Variants in NAV3 observed in about 807,000 individuals in gnomAD.
The protein encoded by NAV3 is neuron navigator 3.
A neutral mutation model predicts 244.7 loss-of-function variants in NAV3; 87 were observed. The observed-to-expected ratio is 0.36, with a 90% CI of 0.30 to 0.42. The LOEUF (loss-of-function observed/expected upper bound fraction) is 0.42. Ranked by LOEUF, NAV3 falls within the 20% of genes least tolerant of loss-of-function variation. The pLI is 1.00. For missense variants in NAV3, 2,663 were observed against 2,893.3 expected (o/e 0.92, Z 1.83); for synonymous variants, 1,126 against 1,042.2 (o/e 1.08, Z -1.55).
At chr12:77,677,406 C>G (rs572168365) in intron 2 of NAV3, among the ~76,000 whole-genome samples, 1 of 152,264 alleles carries the variant, frequency 6.6e-6, no homozygotes, top group African/African-American at 2.4e-5. Context: ...CTTAGAAGGG[C>G]CCTGCACTTG....
At chr12:78,084,378 A>G (rs1295039890) in intron 12 of NAV3, among the ~76,000 whole-genome samples, 2 of 151,958 alleles carry the variant, frequency 1.3e-5, no homozygotes, top group Non-Finnish European at 2.9e-5. Context: ...CCCTCCAGTT[A>G]GGCACTGGAT....
intron 20 of NAV3, among the ~76,000 whole-genome samples, chr12:78,142,992 G>A (rs955239726): frequency 4.0e-5 from 6 of 151,896 alleles, no homozygotes; most frequent in South Asian, 2.1e-4. Flanking sequence ...TCCCCAGTCC[G>A]CCATGATCAG....
chr12:77,684,072 C>T (rs1874601023), intron 2 of NAV3, among the ~76,000 whole-genome samples: 1 of 151,694 alleles, frequency 6.6e-6, no homozygotes, highest in Non-Finnish European at 1.5e-5. Flanking sequence ...CTGAGTGATC[C>T]CAGTGATCTG....
chr12:77,754,253 G>A (rs926045745), intron 2 of NAV3, among the ~76,000 whole-genome samples: 3 of 151,946 alleles, frequency 2.0e-5, no homozygotes, highest in African/African-American at 7.2e-5. Context: ...ATGAGATTAG[G>A]GAATACCAAC....
At chr12:77,609,119 A>G (rs780206523) in intron 2 of NAV3, among the ~76,000 whole-genome samples, 17 of 152,106 alleles carry the variant, frequency 1.1e-4, no homozygotes, top group Non-Finnish European at 2.4e-4. Context: ...AATACTATTT[A>G]TGTTCTGGTA....
intron 2 of NAV3, among the ~76,000 whole-genome samples, chr12:77,576,248 T>C (rs1405887389): frequency 6.6e-6 from 1 of 152,080 alleles, no homozygotes; most frequent in Non-Finnish European, 1.5e-5. Context: ...AATACTGATA[T>C]AGAAAAAGCC....
At chr12:77,644,104 TC>T (rs1344093448) in intron 2 of NAV3, among the ~76,000 whole-genome samples, 1 of 151,994 alleles carries the variant, frequency 6.6e-6, no homozygotes. Context: ...AAGCTGGAGA[TC>T]AAGGGGTTCA....
At chr12:77,995,254 T>C (rs1330069319) in intron 6 of NAV3, among the ~76,000 whole-genome samples, 1 of 152,164 alleles carries the variant, frequency 6.6e-6, no homozygotes, top group Admixed American at 6.5e-5. Flanking sequence ...CACATTTTAA[T>C]GGAGATTTGA....
At chr12:78,108,649 A>C (rs1480321331) in intron 12 of NAV3, among the ~76,000 whole-genome samples, 2 of 152,158 alleles carry the variant, frequency 1.3e-5, no homozygotes, top group Non-Finnish European at 2.9e-5. Context: ...ATCAATGCCA[A>C]GAATAACGTT....
At chr12:78,165,308 T>G (rs73147980) in intron 23 of NAV3, among the ~76,000 whole-genome samples, 400 of 152,124 alleles carry the variant, frequency 2.6e-3, no homozygotes, top group Non-Finnish European at 4.9e-3. Context: ...TTTGCAGAAT[T>G]ATCCCAGCCT....
At chr12:78,143,785 G>A (rs193110683) in intron 20 of NAV3, among the ~76,000 whole-genome samples, 236 of 152,138 alleles carry the variant, frequency 1.6e-3, no homozygotes, top group African/African-American at 5.4e-3. Context: ...GGAATATCTA[G>A]CAATACTAAG....
intron 1 of NAV3, among the ~76,000 whole-genome samples, chr12:77,869,967 C>T (rs1291742338): frequency 6.6e-6 from 1 of 152,122 alleles, no homozygotes; most frequent in Non-Finnish European, 1.5e-5. Context: ...ATGAGATAAA[C>T]ACATGCTCTT....
intron 2 of NAV3, among the ~76,000 whole-genome samples, chr12:77,692,611 G>A (rs1378198428): frequency 1.3e-5 from 2 of 152,034 alleles, no homozygotes; most frequent in Non-Finnish European, 1.5e-5. Context: ...CTTAATAAAG[G>A]TGCTGAGCTG....
intron 22 of NAV3, among the ~76,000 whole-genome samples, chr12:78,150,737 T>C (rs1957051525): frequency 1.3e-5 from 2 of 151,734 alleles, no homozygotes; most frequent in Middle Eastern, 3.4e-3. Context: ...TCTGTGCTGC[T>C]GTTTGAAAAT....
chr12:78,025,356 G>T (rs1041044680), intron 9 of NAV3, among the ~76,000 whole-genome samples: 6 of 152,000 alleles, frequency 3.9e-5, no homozygotes, highest in African/African-American at 1.4e-4. Context: ...CTAGCACTTT[G>T]GGAGGCCGAG....
At chr12:77,756,572 G>C (rs1349704168) in intron 2 of NAV3, among the ~76,000 whole-genome samples, 1 of 152,084 alleles carries the variant, frequency 6.6e-6, no homozygotes, top group Admixed American at 6.6e-5. Flanking sequence ...AATGTCATAT[G>C]CAAAAGAAAT....
Position 77,831,356 on chromosome 12 carries a change from C to T in NAV3, c.-106C>T. 1 of 1,181,680 alleles carries T rather than the reference C, an allele frequency of 8.5e-7. No individual in the cohort carries two copies. Among genetic ancestry groups the T allele is most frequent in the Non-Finnish European group, 1.1e-6 (1 of 873,050 alleles). The allele number at this position is 1,181,680 out of a possible 1,614,324, so 73.2% of individuals were successfully genotyped here. On this transcript the variant is annotated 5_prime_UTR_variant, in exon 1 of 40. Transcript: ENST00000397909. ...AGCTTTTTAAAAATCAGGATGACTG[C>T]TAGTTTTGTTTAAAGTATTTGTTCT...
intron 1 of NAV3, among the ~76,000 whole-genome samples, chr12:77,888,344 G>T (rs1883537337): frequency 6.6e-6 from 1 of 152,080 alleles, no homozygotes; most frequent in South Asian, 2.1e-4. Flanking sequence ...TGACATAGTA[G>T]CATGTGACTA....
chr12:78,201,051 C>T (rs1594030446), intron 38 of NAV3, among the ~76,000 whole-genome samples: 1 of 107,936 alleles, frequency 9.3e-6, no homozygotes, highest in Non-Finnish European at 1.8e-5. Flanking sequence ...CTCTCTCTTT[C>T]TTTCTTTGTT....
Sources: allele counts gnomAD v4.1 joint callset (sites outside exome capture counted in the v4.1 genomes callset), GRCh38; gene constraint gnomAD v4.1.1; transcripts MANE v1.5; gene names NCBI Gene and HGNC (gene_info 2026-07-23, HGNC 2026-07-21).